MAST4: variants seen among roughly 807,000 people sequenced by gnomAD.
MAST4 encodes microtubule-associated serine/threonine-protein kinase 4.
In MAST4, 89 loss-of-function variants were observed where a neutral mutation model predicts 162.7. The observed-to-expected ratio is 0.55, with a 90% CI of 0.46 to 0.65. The LOEUF (loss-of-function observed/expected upper bound fraction) is 0.65. Among genes scored for constraint, MAST4 ranks in the 30% least tolerant of loss-of-function variants. MAST4 has a pLI of 0.00. For missense variants in MAST4, 3,153 were observed against 3,374.0 expected (o/e 0.93, Z 1.62); for synonymous variants, 1,479 against 1,361.1 (o/e 1.09, Z -1.91).
Position 66,795,950 on chromosome 5 carries a change from C to G in MAST4, c.642+7156C>G, listed in dbSNP as rs1422051596. The stretch of plus-strand genomic sequence containing the variant: ...CTTGTATTCGAGGAGTAATACATCT[C>G]ATAGTTATTACCCTCTGAGCTAGGT... On this transcript the variant is annotated intron_variant, in intron 3 of 28. Coordinates refer to ENST00000403625, the MANE Select transcript of MAST4 (RefSeq NM_001164664.2). Among the ~76,000 whole-genome samples the G allele has an allele frequency of 5.3e-5, 8 of 152,136 alleles. 1 individual carries two copies. Among genetic ancestry groups the G allele is most frequent in the Non-Finnish European group, 1.5e-5 (1 of 68,028 alleles).
chr5:67,103,582 A>G (rs78279792), intron 9 of MAST4, among the ~76,000 whole-genome samples: 5,430 of 152,296 alleles, frequency 0.036, 292 homozygotes, highest in African/African-American at 0.11. Context: ...AATATGGATT[A>G]GGCAGTGGGT....
intron 21 of MAST4, among the ~76,000 whole-genome samples, chr5:67,144,062 C>T (rs1390831943): frequency 6.6e-6 from 1 of 152,028 alleles, no homozygotes; most frequent in Non-Finnish European, 1.5e-5. Flanking sequence ...ACCTGAGCTC[C>T]GATCCCCTTC....
intron 4 of MAST4, among the ~76,000 whole-genome samples, chr5:66,911,575 C>G (rs1328335437): frequency 7.3e-5 from 2 of 27,436 alleles, no homozygotes; most frequent in African/African-American, 2.3e-4. Flanking sequence ...CCCCCCCCCC[C>G]GCAAAAAAAA....
intron 1 of MAST4, among the ~76,000 whole-genome samples, chr5:66,613,788 G>C (rs7704804): frequency 0.71 from 107,799 of 152,126 alleles, 38,473 homozygotes; most frequent in African/African-American, 0.78. Context: ...GGGAAGTTAA[G>C]CTACTGAGGA....
At chr5:66,847,540 A>G (rs946361170) in intron 3 of MAST4, among the ~76,000 whole-genome samples, 11 of 152,204 alleles carry the variant, frequency 7.2e-5, no homozygotes, top group African/African-American at 2.6e-4. Context: ...AAGTTGAGGC[A>G]GGGAGAATTG....
intron 5 of MAST4, among the ~76,000 whole-genome samples, chr5:67,071,894 A>G (rs1486059454): frequency 6.6e-6 from 1 of 152,186 alleles, no homozygotes; most frequent in African/African-American, 2.4e-5. Flanking sequence ...TGTAGTATAA[A>G]TGATAATTCA....
intron 19 of MAST4, 90 bp from the exon 20 acceptor site, chr5:67,142,025 C>A: frequency 7.5e-7 from 1 of 1,333,062 alleles, no homozygotes; most frequent in South Asian, 1.4e-5. Flanking sequence ...CTGATATGTT[C>A]TCAAAATTGT....
intron 3 of MAST4, among the ~76,000 whole-genome samples, chr5:66,837,765 C>G (rs1445081686): frequency 5.3e-5 from 8 of 150,732 alleles, no homozygotes; most frequent in African/African-American, 2.0e-4. Flanking sequence ...ATCATCAAAC[C>G]TACAACTTCT....
intron 26 of MAST4, among the ~76,000 whole-genome samples, chr5:67,157,876 T>A (rs1772723974): frequency 1.3e-5 from 2 of 152,214 alleles, no homozygotes; most frequent in African/African-American, 4.8e-5. Flanking sequence ...AAAATAAATT[T>A]AGAGAATATA....
chr5:67,035,661 C>T (rs554661416), intron 4 of MAST4, among the ~76,000 whole-genome samples: 15 of 152,202 alleles, frequency 9.9e-5, no homozygotes, highest in African/African-American at 3.1e-4. Flanking sequence ...CAGGAACATC[C>T]GTAACTGGCA....
intron 1 of MAST4, among the ~76,000 whole-genome samples, chr5:66,659,694 G>A (rs1407916449): frequency 6.6e-6 from 1 of 152,152 alleles, no homozygotes; most frequent in Non-Finnish European, 1.5e-5. Context: ...GTCTTTCATA[G>A]ACTCTAGAGA....
At chr5:67,062,882 G>C (rs542892123) in intron 5 of MAST4, among the ~76,000 whole-genome samples, 6 of 152,150 alleles carry the variant, frequency 3.9e-5, no homozygotes, top group Admixed American at 6.5e-5. Context: ...GCACCTTGCT[G>C]TCCTCCTTGT....
chr5:67,032,313 G>A (rs1194118650), intron 4 of MAST4, among the ~76,000 whole-genome samples: 1 of 152,144 alleles, frequency 6.6e-6, no homozygotes. Context: ...GGAGATTTAA[G>A]AAAGGTTGGG....
chr5:66,895,156 A>C (rs77323907), intron 3 of MAST4, among the ~76,000 whole-genome samples: 2,081 of 152,240 alleles, frequency 0.014, 38 homozygotes, highest in African/African-American at 0.046. Context: ...GCGAGTAGCC[A>C]TCCATACATT....
At chr5:66,826,856 C>T (rs919856917) in intron 3 of MAST4, among the ~76,000 whole-genome samples, 1 of 152,156 alleles carries the variant, frequency 6.6e-6, no homozygotes, top group Non-Finnish European at 1.5e-5. Context: ...TAAATATATT[C>T]GGAGCTGCTG....
chr5:66,704,962 C>T (rs902169144), intron 1 of MAST4, among the ~76,000 whole-genome samples: 2 of 152,172 alleles, frequency 1.3e-5, no homozygotes, highest in Admixed American at 6.5e-5. Context: ...TGGGGTCACT[C>T]AACCCAGCAG....
chr5:67,168,920 A>T lies in MAST4; in HGVS notation c.*1869A>T, dbSNP rs1177540955. ...AAAAAACAAACAAAAAAAGAAAAAG[A>T]AAAAAGCCTCCTCCTTGCCCCTAAT... On this transcript the variant is annotated 3_prime_UTR_variant, in exon 29 of 29. Transcript: ENST00000403625. 1 of 152,238 alleles carries T rather than the reference A, an allele frequency of 6.6e-6. No individual in the cohort carries two copies. Among genetic ancestry groups the T allele is most frequent in the East Asian group, 1.9e-4 (1 of 5,204 alleles). 9.4% of individuals were successfully genotyped at this position (152,238 alleles called of 1,614,324 possible).
Position 67,163,278 on chromosome 5 carries a change from A to G in MAST4, c.4099A>G (p.Arg1367Gly). ...CGGCGGGCAGCGGTACCGGTCCGGAAGGCGAAAGTCCGCCGGCAACATCCC... is the reference window on the plus strand; with the variant it reads ...CGGCGGGCAGCGGTACCGGTCCGGAGGGCGAAAGTCCGCCGGCAACATCCC... ...KLGGQRYRSG[R>G]RKSAGNIPLS... is the part of the protein sequence containing the mutation. The change falls in exon 29 of 29, where the codon AGG becomes GGG. Residue 1367 changes from arginine to glycine, a missense_variant. Physicochemically the swap from Arg to Gly is moderately radical, Grantham distance 125. Transcript: ENST00000403625. The surrounding 1 kb of genome is among the most constrained non-coding windows in gnomAD (Gnocchi z 7.0). 2 of 1,613,414 alleles carry G rather than the reference A, an allele frequency of 1.2e-6. No individual in the cohort carries two copies. Among genetic ancestry groups the G allele is most frequent in the East Asian group, 2.2e-5 (1 of 44,852 alleles).
At chr5:66,977,082 A>G (rs2150223208) in intron 4 of MAST4, among the ~76,000 whole-genome samples, 1 of 152,208 alleles carries the variant, frequency 6.6e-6, no homozygotes, top group South Asian at 2.1e-4. Flanking sequence ...ACCTTCATGA[A>G]TATGGGGATC....
Sources: allele counts gnomAD v4.1 joint callset (sites outside exome capture counted in the v4.1 genomes callset), GRCh38; gene constraint gnomAD v4.1.1; non-coding constraint Gnocchi (gnomAD v3.1); transcripts MANE v1.5; gene names NCBI Gene and HGNC (gene_info 2026-07-23, HGNC 2026-07-21).